The following EXOC6B variants were observed in gnomAD, a reference collection of about 807,000 sequenced individuals.
EXOC6B encodes exocyst complex component 6B.
Under a neutral mutation model 113.5 loss-of-function variants are expected in EXOC6B, and 54 were observed. The observed-to-expected ratio is 0.48, with a 90% CI of 0.38 to 0.60. The LOEUF is 0.60. Among genes scored for constraint, EXOC6B ranks in the 20% least tolerant of loss-of-function variants. The pLI is 0.00. For synonymous variants in EXOC6B, 357 were observed against 339.0 expected (o/e 1.05, Z -0.58); for missense variants, 797 against 977.5 (o/e 0.82, Z 2.46).
intron 18 of EXOC6B, among the ~76,000 whole-genome samples, chr2:72,456,185 C>A (rs540283450): frequency 6.6e-6 from 1 of 152,216 alleles, no homozygotes; most frequent in East Asian, 1.9e-4. Flanking sequence ...AATTAAAATT[C>A]TGTCACTTGA....
intron 18 of EXOC6B, among the ~76,000 whole-genome samples, chr2:72,450,996 G>A (rs547144275): frequency 2.6e-5 from 4 of 152,118 alleles, no homozygotes; most frequent in Non-Finnish European, 4.4e-5. Flanking sequence ...CCTAAGGAAA[G>A]ATCACAATTA....
intron 20 of EXOC6B, among the ~76,000 whole-genome samples, chr2:72,261,261 T>C: frequency 6.6e-6 from 1 of 152,186 alleles, no homozygotes; most frequent in East Asian, 1.9e-4. Flanking sequence ...AGAACATGGT[T>C]GGAGCACCCC....
At chr2:72,373,479 A>T (rs1200064899) in intron 19 of EXOC6B, among the ~76,000 whole-genome samples, 1 of 152,230 alleles carries the variant, frequency 6.6e-6, no homozygotes, top group Non-Finnish European at 1.5e-5. Flanking sequence ...AAGTGAAGAG[A>T]CAACCCACAG....
intron 7 of EXOC6B, among the ~76,000 whole-genome samples, chr2:72,562,287 C>G (rs1329547279): frequency 6.6e-6 from 1 of 152,012 alleles, no homozygotes; most frequent in East Asian, 1.9e-4. Context: ...TTTCAAAAAT[C>G]TAAATAAAAA....
intron 8 of EXOC6B, among the ~76,000 whole-genome samples, chr2:72,537,424 T>G: frequency 7.1e-6 from 1 of 140,960 alleles, no homozygotes; most frequent in Admixed American, 7.5e-5. Flanking sequence ...CTGGGCAAGA[T>G]GGCAAAACCC....
intron 19 of EXOC6B, among the ~76,000 whole-genome samples, chr2:72,346,682 A>G (rs1689356577): frequency 6.6e-6 from 1 of 152,194 alleles, no homozygotes; most frequent in Admixed American, 6.5e-5. Flanking sequence ...AATGATGGAT[A>G]TGACTATTTT....
At chr2:72,247,579 G>A (rs752239278) in intron 20 of EXOC6B, among the ~76,000 whole-genome samples, 6 of 152,132 alleles carry the variant, frequency 3.9e-5, no homozygotes, top group East Asian at 1.9e-4. Flanking sequence ...TTCCAGGTCC[G>A]CCCAGATGTC....
At chr2:72,555,218 T>C (rs941594734) in intron 8 of EXOC6B, among the ~76,000 whole-genome samples, 66 of 152,322 alleles carry the variant, frequency 4.3e-4, no homozygotes, top group African/African-American at 1.5e-3. Flanking sequence ...ATAAACATAC[T>C]TGTGCATATG....
At chr2:72,233,047 G>A (rs1681729825) in intron 20 of EXOC6B, among the ~76,000 whole-genome samples, 1 of 151,532 alleles carries the variant, frequency 6.6e-6, no homozygotes, top group African/African-American at 2.4e-5. Flanking sequence ...ACCCCAGCCT[G>A]GGTGACAGAG....
At chr2:72,362,549 G>T (rs1690381681) in intron 19 of EXOC6B, among the ~76,000 whole-genome samples, 1 of 151,966 alleles carries the variant, frequency 6.6e-6, no homozygotes, top group African/African-American at 2.4e-5. Context: ...TAACAATAAT[G>T]TGAGACAAAT....
rs13025483 is a variant in EXOC6B, at chr2:72,573,527, C to A, written c.846+1965G>T. On this transcript the variant is annotated intron_variant, in intron 7 of 21. Coordinates refer to ENST00000272427, the MANE Select transcript of EXOC6B (RefSeq NM_015189.3). ...TTCAGGGGAATGAAGTCCCCTCTATCTCTTTCTATCTCCATGAGTCATTAG... is the reference window on the plus strand; with the variant it reads ...TTCAGGGGAATGAAGTCCCCTCTATATCTTTCTATCTCCATGAGTCATTAG... 4.4e-3 allele frequency among the ~76,000 whole-genome samples: 672 copies of A among 152,260 alleles called. 3 individuals carry two copies. Among genetic ancestry groups the A allele is most frequent in the Middle Eastern group, 0.024 (7 of 294 alleles).
intron 21 of EXOC6B, chr2:72,182,817 G>T: frequency 1.0e-6 from 1 of 997,548 alleles, no homozygotes; most frequent in Non-Finnish European, 1.3e-6. Flanking sequence ...TTTTAGTGTA[G>T]TCATTAGTGT....
At chr2:72,404,887 G>C (rs1573044992) in intron 18 of EXOC6B, among the ~76,000 whole-genome samples, 1 of 152,108 alleles carries the variant, frequency 6.6e-6, no homozygotes, top group African/African-American at 2.4e-5. Context: ...AGAGAAGAAG[G>C]CTTCAGACGA....
intron 18 of EXOC6B, among the ~76,000 whole-genome samples, chr2:72,430,204 G>A (rs2105294809): frequency 6.6e-6 from 1 of 152,304 alleles, no homozygotes; most frequent in Non-Finnish European, 1.5e-5. Flanking sequence ...TACTGATGTA[G>A]CCAATACCTT....
chr2:72,821,579 A>G (rs1686584195), intron 1 of EXOC6B, among the ~76,000 whole-genome samples: 1 of 152,182 alleles, frequency 6.6e-6, no homozygotes, highest in African/African-American at 2.4e-5. Flanking sequence ...AATGTCCATC[A>G]ACTGATGAAC....
chr2:72,416,237 T>C (rs544198098), intron 18 of EXOC6B, among the ~76,000 whole-genome samples: 11 of 152,116 alleles, frequency 7.2e-5, no homozygotes, highest in Non-Finnish European at 1.3e-4. Context: ...GAATTAGAAT[T>C]CTCTCATCAA....
In EXOC6B at chr2:72,345,133, T is replaced by A. The variant is rs571436220; in HGVS notation, c.2123-10113A>T. On this transcript the variant is annotated intron_variant, in intron 19 of 21. Transcript: ENST00000272427. The stretch of plus-strand genomic sequence containing the variant: ...TTAGTGTACTAAGAAATAAAATTGA[T>A]AAAAGTTAACCACACTTTAATGTCC... Among the ~76,000 whole-genome samples the A allele has an allele frequency of 7.9e-5, 12 of 152,264 alleles. No individual in the cohort carries two copies. The South Asian group carries it at 2.1e-3, about 26-fold the overall frequency.
chr2:72,204,520 G>A (rs1007727487), intron 20 of EXOC6B, among the ~76,000 whole-genome samples: 4 of 148,260 alleles, frequency 2.7e-5, no homozygotes, highest in African/African-American at 1.0e-4. Context: ...TTTTCTCTTT[G>A]TTTACACATT....
chr2:72,568,102 A>G (rs1481834271), intron 7 of EXOC6B, among the ~76,000 whole-genome samples: 1 of 152,042 alleles, frequency 6.6e-6, no homozygotes, highest in Non-Finnish European at 1.5e-5. Context: ...GTATGCCTCC[A>G]GATGTGATGC....
Sources: allele counts gnomAD v4.1 joint callset (sites outside exome capture counted in the v4.1 genomes callset), GRCh38; gene constraint gnomAD v4.1.1; transcripts MANE v1.5; gene names NCBI Gene and HGNC (gene_info 2026-07-23, HGNC 2026-07-21).